Variants in KATNIP observed in about 807,000 individuals in gnomAD.
The protein encoded by KATNIP is katanin-interacting protein.
KATNIP carries 126 observed loss-of-function variants against 174.0 expected under a neutral mutation model. That is an observed-to-expected ratio of 0.72 (90% CI 0.63 to 0.84). The LOEUF is 0.84. Ranked by LOEUF, KATNIP falls within the 40% of genes least tolerant of loss-of-function variation. KATNIP has a pLI of 0.00. For synonymous variants in KATNIP, 810 were observed against 835.7 expected, an observed-to-expected ratio of 0.97 and a Z score of 0.53; for missense variants, 1,958 against 2,109.7, an observed-to-expected ratio of 0.93 and a Z score of 1.41.
chr16:27,778,675 T>G lies in KATNIP; in HGVS notation c.*46T>G. The G allele has an allele frequency of 6.3e-7, 1 of 1,575,854 alleles. No individual in the cohort carries two copies. Among genetic ancestry groups the G allele is most frequent in the South Asian group, 1.1e-5 (1 of 88,792 alleles). On this transcript the variant is annotated 3_prime_UTR_variant, in exon 28 of 28. Coordinates refer to ENST00000261588, the MANE Select transcript of KATNIP (RefSeq NM_015202.5). ...GGTCCTCCCACTATGGTGGGCTCCG[T>G]CAGCAGCCCCACTCAGTGCCTGCGT...
At chr16:27,736,179 T>C (rs2080887735) in intron 14 of KATNIP, among the ~76,000 whole-genome samples, 1 of 152,110 alleles carries the variant, frequency 6.6e-6, no homozygotes, top group Non-Finnish European at 1.5e-5. Context: ...ATTTTTGTAT[T>C]TTTAGTAGAG....
chr16:27,748,063 C>G (rs2081358692), intron 15 of KATNIP, among the ~76,000 whole-genome samples: 1 of 152,188 alleles, frequency 6.6e-6, no homozygotes. Context: ...TCAGCAGCCG[C>G]TGTTTTTGCA....
chr16:27,681,164 T>C, intron 7 of KATNIP: 1 of 483,372 alleles, frequency 2.1e-6, no homozygotes, highest in Non-Finnish European at 3.8e-6. Context: ...TGAAAACCTG[T>C]GCATGTCCTA....
In KATNIP at chr16:27,780,056, G is replaced by C. The variant is rs910991191; in HGVS notation, c.*1427G>C. On this transcript the variant is annotated 3_prime_UTR_variant, in exon 28 of 28. Coordinates refer to ENST00000261588, the MANE Select transcript of KATNIP (RefSeq NM_015202.5). ...CCCCGGCACCTCTGCTCAGCTCCCA[G>C]ATGTGACGAGCACCTCCCGCCAGGG... The C allele has an allele frequency of 6.6e-6, 1 of 152,174 alleles. No individual in the cohort carries two copies. The highest frequency in any genetic ancestry group is 6.5e-5 in the Admixed American group (1 of 15,268). 9.4% of individuals were successfully genotyped at this position (152,174 alleles called of 1,614,324 possible).
At chr16:27,713,809 C>CAT (rs60005285) in intron 13 of KATNIP, among the ~76,000 whole-genome samples, 692 of 33,276 alleles carry the variant, frequency 0.021, 18 homozygotes, top group Middle Eastern at 0.036. Flanking sequence ...TGTGTATATA[C>CAT]ATATATATAT....
intron 20 of KATNIP, among the ~76,000 whole-genome samples, chr16:27,767,778 C>T (rs1478709925): frequency 6.6e-6 from 1 of 152,186 alleles, no homozygotes; most frequent in Non-Finnish European, 1.5e-5. Flanking sequence ...CCTGGCCCTC[C>T]CCGTGTAGCA....
In KATNIP at chr16:27,696,453, A is replaced by G. The variant is rs139338464; in HGVS notation, c.941-1875A>G. ...TAATTTCATCACCCAGGTAATAAGC[A>G]TAGTACCTGATAGGTATTTTTTCTG... On this transcript the variant is annotated intron_variant, in intron 8 of 27. Transcript: ENST00000261588. Among the ~76,000 whole-genome samples, 1,110 of 152,294 alleles carry G rather than the reference A, an allele frequency of 7.3e-3. 23 individuals carry two copies. The highest frequency in any genetic ancestry group is 0.025 in the African/African-American group (1,055 of 41,560).
chr16:27,575,908 A>G (rs1324231822), intron 2 of KATNIP, among the ~76,000 whole-genome samples: 1 of 152,166 alleles, frequency 6.6e-6, no homozygotes, highest in Non-Finnish European at 1.5e-5. Context: ...CTGGTAAGGA[A>G]TCTTTCTCTG....
rs997358425 is a variant in KATNIP at position 27,574,046 on chromosome 16, T to C, written c.63+90T>C. On this transcript the variant is annotated intron_variant, in intron 2 of 27. Coordinates refer to ENST00000261588, the MANE Select transcript of KATNIP (RefSeq NM_015202.5). The stretch of plus-strand genomic sequence containing the variant: ...GGTGGCGAATAAGTGTCCCTAAATA[T>C]ACTCTTTTCTCTTGGGGTCCCAAGC... The C allele has an allele frequency of 1.1e-5, 13 of 1,146,716 alleles. No individual in the cohort carries two copies. In the African/African-American group the frequency reaches 1.7e-4, roughly 15 times the overall value. The allele number at this position is 1,146,716 out of a possible 1,614,324, so 71.0% of individuals were successfully genotyped here. A position where few individuals can be genotyped will look rare whatever the true frequency, so the allele number is the denominator to read the frequency against.
At chr16:27,598,564 T>C (rs993393164) in intron 2 of KATNIP, among the ~76,000 whole-genome samples, 4 of 152,160 alleles carry the variant, frequency 2.6e-5, no homozygotes, top group Non-Finnish European at 2.9e-5. Context: ...GAGGAGTTCA[T>C]TGGACTTTGG....
chr16:27,734,485 G>A (rs2080826491), intron 14 of KATNIP, among the ~76,000 whole-genome samples: 1 of 151,414 alleles, frequency 6.6e-6, no homozygotes, highest in Non-Finnish European at 1.5e-5. Context: ...GATCACCTGA[G>A]GTCAGGAGTT....
chr16:27,622,933 T>A (rs543639549), intron 3 of KATNIP, among the ~76,000 whole-genome samples: 3 of 151,714 alleles, frequency 2.0e-5, no homozygotes, highest in Admixed American at 6.6e-5. Flanking sequence ...AATGGTGGAG[T>A]CTCTGGCAAT....
At position 27,639,421 on chromosome 16, in the gene KATNIP, C is replaced by T. The variant is rs139256667; in HGVS notation, c.408+8259C>T. 7.5e-4 allele frequency among the ~76,000 whole-genome samples: 114 copies of T among 152,328 alleles called. No homozygotes were observed. In the Middle Eastern group the frequency reaches 0.01, roughly 14 times the overall value. On this transcript the variant is annotated intron_variant, in intron 5 of 27. Transcript: ENST00000261588. ...TGTGGATTAAGATTTATGGCTTCCT[C>T]AGCCTTGTAATACTTGGGTGGACAG... is the stretch of plus-strand genomic sequence containing the variant.
Position 27,637,042 on chromosome 16 carries a change from C to T in KATNIP, c.408+5880C>T, listed in dbSNP as rs1033685242. On this transcript the variant is annotated intron_variant, in intron 5 of 27. Transcript: ENST00000261588. The surrounding 1 kb of genome is among the most constrained non-coding windows in gnomAD (Gnocchi z 4.7). ...AAGACGCTTAACCCCTTGGTGCCTG[C>T]GCTCTCATTTGTCATGTGAGGTTGG... is the stretch of plus-strand genomic sequence containing the variant. Among the ~76,000 whole-genome samples, 32 of 152,210 alleles carry T rather than the reference C, an allele frequency of 2.1e-4. No individual in the cohort carries two copies. Among genetic ancestry groups the T allele is most frequent in the African/African-American group, 7.7e-4 (32 of 41,456 alleles).
At chr16:27,743,275 T>C (rs1279994656) in intron 15 of KATNIP, among the ~76,000 whole-genome samples, 1 of 152,208 alleles carries the variant, frequency 6.6e-6, no homozygotes, top group Non-Finnish European at 1.5e-5. Flanking sequence ...GGTATTTGGG[T>C]TAATTACATG....
In KATNIP at chr16:27,750,210, C is replaced by T. The variant is rs2081451853; in HGVS notation, c.3250C>T (p.His1084Tyr). ...TTGGAACTACAATAAATCTCGGATA[C>T]ATTCCTTCCGAGGCGTGAAGGACAT... ...RIWNYNKSRI[H>Y]SFRGVKDITM... Residue 1084 changes from histidine (H) to tyrosine (Y), a missense_variant, in exon 16 of 28, where the codon CAT (histidine) becomes TAT (tyrosine). Around this residue, in one of 3 missense-constraint regions of KATNIP, gnomAD observed 1,557 missense variants for 1,617.8 expected, o/e 0.96. Coordinates refer to ENST00000261588, the MANE Select transcript of KATNIP (RefSeq NM_015202.5). The T allele has an allele frequency of 2.5e-6, 4 of 1,613,942 alleles. No homozygotes were observed. Among genetic ancestry groups the T allele is most frequent in the African/African-American group, 1.3e-5 (1 of 74,864 alleles).
At chr16:27,742,827 T>C (rs1457199087) in intron 15 of KATNIP, among the ~76,000 whole-genome samples, 1 of 149,802 alleles carries the variant, frequency 6.7e-6, no homozygotes, top group Non-Finnish European at 1.5e-5. Flanking sequence ...TGCATTTTTT[T>C]TTCTAGTTTT....
chr16:27,712,291 G>A (rs1480909283), intron 13 of KATNIP, among the ~76,000 whole-genome samples: 4 of 152,144 alleles, frequency 2.6e-5, no homozygotes, highest in East Asian at 1.9e-4. Flanking sequence ...CTTCCCTGAC[G>A]TGGGGCTTCC....
At chr16:27,606,157 C>G (rs987685468) in intron 2 of KATNIP, among the ~76,000 whole-genome samples, 1 of 152,026 alleles carries the variant, frequency 6.6e-6, no homozygotes, top group African/African-American at 2.4e-5. Flanking sequence ...GAAGCAGGCT[C>G]AGATACTTTC....
Sources: gnomAD v4.1 joint callset for allele counts (sites outside exome capture counted in the v4.1 genomes callset) on GRCh38, gnomAD v4.1.1 for gene constraint, gnomAD v4.1.1 regional missense constraint, Gnocchi (gnomAD v3.1) non-coding constraint, MANE v1.5 for transcripts, NCBI Gene and HGNC (gene_info 2026-07-23, HGNC 2026-07-21) for gene names.